MIAT: variants seen among roughly 807,000 people sequenced by gnomAD.
MIAT encodes MI related novel mRNA.
chr22:26,647,059 A>G (rs1006330971), intron 1 of MIAT: 11 of 397,968 alleles, frequency 2.8e-5, no homozygotes, highest in African/African-American at 1.9e-4. Flanking sequence ...TTTAGAAGGC[A>G]TAAGCAGCTG....
chr22:26,661,766 C>G (rs957025696), intron 2 of MIAT, among the ~76,000 whole-genome samples: 3 of 151,758 alleles, frequency 2.0e-5, no homozygotes, highest in African/African-American at 7.3e-5. Context: ...GTGAAAGCAA[C>G]CGGCATAAAC....
At chr22:26,655,713 A>C (rs1930419380) in intron 2 of MIAT, among the ~76,000 whole-genome samples, 1 of 152,210 alleles carries the variant, frequency 6.6e-6, no homozygotes, top group Non-Finnish European at 1.5e-5. Flanking sequence ...ATGTTCTAGC[A>C]CAGTGGTTCT....
At chr22:26,670,578 C>G (rs1273560433), downstream of MIAT, 1 of 353,400 alleles carries the variant, frequency 2.8e-6, no homozygotes, top group African/African-American at 2.7e-5. Flanking sequence ...CTTAAAGTAA[C>G]TTCTAGGAAA....
intron 2 of MIAT, among the ~76,000 whole-genome samples, chr22:26,663,048 T>C (rs1022288740): frequency 1.3e-5 from 2 of 152,184 alleles, no homozygotes; most frequent in African/African-American, 4.8e-5. Context: ...AGGTTCACTG[T>C]GGTAAAGGAC....
chr22:26,659,864 C>G (rs76790835), intron 2 of MIAT, among the ~76,000 whole-genome samples: 23,149 of 125,106 alleles, frequency 0.19, 2,356 homozygotes, highest in East Asian at 0.35. Context: ...TGAAACAGAG[C>G]CTTACTTTTT....
chr22:26,667,498 A>G (rs181279365), intron 5 of MIAT, among the ~76,000 whole-genome samples: 262 of 152,078 alleles, frequency 1.7e-3, no homozygotes, highest in African/African-American at 6.0e-3. Flanking sequence ...TGTAAAATGA[A>G]TTGAAGCCAT....
At chr22:26,661,579 G>A (rs1231838959) in intron 2 of MIAT, among the ~76,000 whole-genome samples, 1 of 152,126 alleles carries the variant, frequency 6.6e-6, no homozygotes, top group Non-Finnish European at 1.5e-5. Flanking sequence ...CAGGGATTAG[G>A]CATTGCAGGT....
intron 3 of MIAT, among the ~76,000 whole-genome samples, chr22:26,663,888 CCT>C (rs1204637656): frequency 3.9e-5 from 6 of 151,950 alleles, no homozygotes; most frequent in Non-Finnish European, 5.9e-5. Context: ...CAGCCAATCC[CCT>C]CTCAGCCCCA....
intron 2 of MIAT, among the ~76,000 whole-genome samples, chr22:26,661,937 T>TGGATCTATATAGATCC (rs1555948788): frequency 9.8e-3 from 373 of 37,950 alleles, no homozygotes; most frequent in Non-Finnish European, 0.017. Flanking sequence ...TATATATATA[T>TGGATCTATATAGATCC]ATATATATAT....
chr22:26,658,319 T>C (rs1719401134), intron 2 of MIAT: 1 of 152,158 alleles, frequency 6.6e-6, no homozygotes, highest in African/African-American at 2.4e-5. Context: ...GCAAGCGTTA[T>C]CACAACAGTC....
At chr22:26,669,108 T>C in exon 6 of MIAT, 1 of 398,674 alleles carries the variant, frequency 2.5e-6, no homozygotes, top group Non-Finnish European at 4.4e-6. Flanking sequence ...GAACAGAAGG[T>C]GGCAGGACAG....
exon 4 of MIAT, chr22:26,665,748 A>G (rs1416937901): frequency 7.5e-6 from 3 of 398,362 alleles, no homozygotes; most frequent in Admixed American, 4.4e-5. Context: ...TCTCTTTTCT[A>G]CCTCTATGGA....
exon 4 of MIAT, chr22:26,666,066 T>G (rs1930834484): frequency 2.5e-6 from 1 of 398,638 alleles, no homozygotes; most frequent in Non-Finnish European, 4.4e-6. Context: ...GATGCATTTT[T>G]CTCAGTGTAA....
chr22:26,655,667 T>C (rs1166418980), intron 2 of MIAT, among the ~76,000 whole-genome samples: 2 of 152,180 alleles, frequency 1.3e-5, no homozygotes, highest in Non-Finnish European at 2.9e-5. Context: ...AACTGAAATG[T>C]AAACCCGGAA....
intron 2 of MIAT, among the ~76,000 whole-genome samples, chr22:26,660,156 A>G (rs1930613204): frequency 6.6e-6 from 1 of 150,794 alleles, no homozygotes; most frequent in Non-Finnish European, 1.5e-5. Flanking sequence ...ATTTTCATGT[A>G]TTTCTCTCTG....
At chr22:26,674,471 G>T, downstream of MIAT, 1 of 398,762 alleles carries the variant, frequency 2.5e-6, no homozygotes, top group Non-Finnish European at 4.4e-6. Context: ...TTTAGGGACA[G>T]GTCAAAGGCT....
chr22:26,655,789 T>C (rs1490054665), intron 2 of MIAT, among the ~76,000 whole-genome samples: 1 of 152,204 alleles, frequency 6.6e-6, no homozygotes, highest in East Asian at 1.9e-4. Context: ...GGGCCTTCCT[T>C]TCTTTCCCCA....
intron 5 of MIAT, chr22:26,667,382 G>A (rs1930887567): frequency 2.5e-6 from 1 of 396,670 alleles, no homozygotes. Context: ...GCATGCCTGT[G>A]TGTGTGTGCA....
chr22:26,671,242 G>A (rs1931034322), downstream of MIAT: 2 of 398,520 alleles, frequency 5.0e-6, no homozygotes, highest in Non-Finnish European at 8.8e-6. Flanking sequence ...CAATAAATAG[G>A]GAAGCAACAT....
Sources: allele counts gnomAD v4.1 joint callset (sites outside exome capture counted in the v4.1 genomes callset), GRCh38; gene constraint gnomAD v4.1.1; transcripts MANE v1.5; gene names NCBI Gene and HGNC (gene_info 2026-07-23, HGNC 2026-07-21).